AKR1C3: variants seen among roughly 807,000 people sequenced by gnomAD.
AKR1C3 encodes the protein aldo-keto reductase family 1 member C3, also known as 3-alpha hydroxysteroid dehydrogenase, type II.
In AKR1C3, 48 loss-of-function variants were observed where a neutral mutation model predicts 43.6. The observed-to-expected ratio is 1.10, with a 90% CI of 0.87 to 1.40. The LOEUF (loss-of-function observed/expected upper bound fraction) is 1.40, where lower values mean the gene tolerates loss of function less well. AKR1C3 is among the 40% of genes most tolerant of loss of function. The pLI is 0.00. For synonymous variants in AKR1C3, 162 were observed against 139.6 expected, an observed-to-expected ratio of 1.16 and a Z score of -1.13; for missense variants, 482 against 391.2, an observed-to-expected ratio of 1.23 and a Z score of -1.96.
At chr10:5,098,928 A>C (rs940277576) in intron 4 of AKR1C3, 49 bp downstream of exon 4, 1 of 1,476,810 alleles carries the variant, frequency 6.8e-7, no homozygotes, top group Admixed American at 2.0e-5. Flanking sequence ...AAAAGAGAAA[A>C]TCTGTTTCCC....
chr10:5,088,731 C>G (rs782414171), intron 1 of AKR1C3, among the ~76,000 whole-genome samples: 1 of 151,184 alleles, frequency 6.6e-6, no homozygotes, highest in Non-Finnish European at 1.5e-5. Context: ...TAGATAAAAG[C>G]TGTTGGGTCT....
chr10:5,102,059 A>G, intron 5 of AKR1C3, 42 bp from the exon 6 acceptor site: 2 of 1,216,756 alleles, frequency 1.6e-6, no homozygotes, highest in Non-Finnish European at 2.4e-6. Flanking sequence ...TAACATAACT[A>G]TTTCATATAA....
intron 7 of AKR1C3, 148 bp from the exon 8 acceptor site, chr10:5,105,447 T>G: frequency 1.8e-6 from 1 of 568,038 alleles, no homozygotes; most frequent in Non-Finnish European, 3.2e-6. Flanking sequence ...AGCTATTCAT[T>G]GACCCACCTG....
intron 2 of AKR1C3, among the ~76,000 whole-genome samples, 163 bp from the exon 3 acceptor site, chr10:5,097,271 G>C (rs1554785272): frequency 2.0e-5 from 3 of 152,040 alleles, no homozygotes; most frequent in Admixed American, 2.0e-4. Flanking sequence ...AAGTTTATAA[G>C]GATAGGTCAG....
At chr10:5,095,792 A>T (rs1554785023) in intron 1 of AKR1C3, among the ~76,000 whole-genome samples, 1 of 152,090 alleles carries the variant, frequency 6.6e-6, no homozygotes, top group African/African-American at 2.4e-5. Flanking sequence ...ATATCCTCAG[A>T]GTATACATCT....
intron 7 of AKR1C3, among the ~76,000 whole-genome samples, chr10:5,103,963 GAT>G (rs1441547413): frequency 2.6e-5 from 4 of 151,912 alleles, no homozygotes; most frequent in Admixed American, 2.0e-4. Flanking sequence ...AGTTTAATAA[GAT>G]ATATGAGATA....
Position 5,105,679 on chromosome 10 carries a change from T to G in AKR1C3, c.929+2T>G. 1 of 1,609,472 alleles carries G rather than the reference T, an allele frequency of 6.2e-7. No individual in the cohort carries two copies. Among genetic ancestry groups the G allele is most frequent in the East Asian group, 2.2e-5 (1 of 44,836 alleles). On this transcript the variant is annotated splice_donor_variant, in intron 8 of 8. Transcript: ENST00000380554. LOFTEE classifies it high-confidence loss of function. ...TCTCCACTATTTTAACAGTGATAGG[T>G]AAGTTTCCTTTGTAAATGGGTGATC...
intron 1 of AKR1C3, among the ~76,000 whole-genome samples, chr10:5,061,460 G>T (rs1229928350): frequency 6.6e-6 from 1 of 152,174 alleles, no homozygotes; most frequent in Non-Finnish European, 1.5e-5. Flanking sequence ...TGGGAGGGGT[G>T]TTCAGTGAGG....
At chr10:5,070,168 C>T (rs1036843724) in intron 1 of AKR1C3, among the ~76,000 whole-genome samples, 3 of 152,206 alleles carry the variant, frequency 2.0e-5, no homozygotes, top group Non-Finnish European at 4.4e-5. Context: ...AGGCACTGCC[C>T]ACCAAGGAGA....
At chr10:5,068,521 A>AAAAC (rs58996659) in intron 1 of AKR1C3, among the ~76,000 whole-genome samples, 1,872 of 149,710 alleles carry the variant, frequency 0.013, 42 homozygotes, top group African/African-American at 0.038. Flanking sequence ...AAAAAAAAAA[A>AAAAC]AAAACACATT....
At chr10:5,085,426 C>A (rs1452389582) in intron 1 of AKR1C3, among the ~76,000 whole-genome samples, 2 of 151,922 alleles carry the variant, frequency 1.3e-5, no homozygotes, top group Non-Finnish European at 2.9e-5. Context: ...GGGATGAAGC[C>A]CACTTGATTA....
Position 5,107,567 on chromosome 10 carries a change from C to T in AKR1C3, c.*64C>T, listed in dbSNP as rs986512271. On this transcript the variant is annotated 3_prime_UTR_variant, in exon 9 of 9. Transcript: ENST00000380554. ...GTGTGGATGGTGACGCAGAGGACGT[C>T]TCTATGCCGGTGACTGGACATATCA... The T allele has an allele frequency of 2.2e-6, 3 of 1,337,374 alleles. No homozygotes were observed. The highest frequency in any genetic ancestry group is 1.5e-5 in the African/African-American group (1 of 68,518). 82.8% of individuals were successfully genotyped at this position (1,337,374 alleles called of 1,614,324 possible).
chr10:5,097,719 C>A, intron 3 of AKR1C3, 169 bp downstream of exon 3: 2 of 1,440,340 alleles, frequency 1.4e-6, no homozygotes, highest in Non-Finnish European at 1.8e-6. Context: ...ATTTTGAATC[C>A]TACTTCTCTA....
At chr10:5,062,752 G>A (rs1457814055) in intron 1 of AKR1C3, among the ~76,000 whole-genome samples, 1 of 151,406 alleles carries the variant, frequency 6.6e-6, no homozygotes, top group East Asian at 1.9e-4. Flanking sequence ...TTTTCCAGAT[G>A]TGAGATAATC....
chr10:5,049,115 T>TG (rs1395369177), intron 1 of AKR1C3, among the ~76,000 whole-genome samples: 1 of 97,548 alleles, frequency 1.0e-5, no homozygotes, highest in Non-Finnish European at 2.0e-5. Flanking sequence ...TTTGGGGCAC[T>TG]GTTTTTTTTC....
chr10:5,078,953 G>A (rs111537719), intron 1 of AKR1C3, among the ~76,000 whole-genome samples: 4,661 of 152,208 alleles, frequency 0.031, 121 homozygotes, highest in Non-Finnish European at 0.046. Context: ...CTCACTAGAC[G>A]TGTTCATGTA....
At chr10:5,050,359 G>T (rs1452668091) in intron 1 of AKR1C3, among the ~76,000 whole-genome samples, 1 of 141,238 alleles carries the variant, frequency 7.1e-6, no homozygotes, top group African/African-American at 2.8e-5. Context: ...CAAAGAAGGA[G>T]TGTGGATGCA....
At chr10:5,078,251 A>G (rs542880994) in intron 1 of AKR1C3, among the ~76,000 whole-genome samples, 1 of 152,270 alleles carries the variant, frequency 6.6e-6, no homozygotes, top group African/African-American at 2.4e-5. Context: ...TCGTCTGGCC[A>G]GTGAATGGTG....
intron 7 of AKR1C3, 88 bp downstream of exon 7, chr10:5,102,738 C>T (rs1554786325): frequency 6.7e-7 from 1 of 1,492,050 alleles, no homozygotes; most frequent in Non-Finnish European, 9.0e-7. Context: ...CAGCCTTGGG[C>T]CAGCTCCATT....
Sources: gnomAD v4.1 joint callset for allele counts (sites outside exome capture counted in the v4.1 genomes callset) on GRCh38, gnomAD v4.1.1 for gene constraint, MANE v1.5 for transcripts, NCBI Gene and HGNC (gene_info 2026-07-23, HGNC 2026-07-21) for gene names.